The following TSHZ2 variants were observed in gnomAD, a reference collection of about 807,000 sequenced individuals.
The protein encoded by TSHZ2 is teashirt homolog 2.
In TSHZ2, 21 loss-of-function variants were observed where a neutral mutation model predicts 74.4. That is an observed-to-expected ratio of 0.28 (90% CI 0.20 to 0.41). TSHZ2 has a LOEUF of 0.41. Among genes scored for constraint, TSHZ2 ranks in the 10% least tolerant of loss-of-function variants. The pLI, the probability that TSHZ2 is intolerant of heterozygous loss-of-function variation, is 1.00. For synonymous variants in TSHZ2, 540 were observed against 515.3 expected (o/e 1.05, Z -0.65); for missense variants, 1,244 against 1,293.5 (o/e 0.96, Z 0.59).
chr20:53,476,382 C>CA (rs1261038518), intron 2 of TSHZ2, among the ~76,000 whole-genome samples: 1 of 151,384 alleles, frequency 6.6e-6, no homozygotes, highest in Admixed American at 6.6e-5. Flanking sequence ...TGTAATCCAG[C>CA]ATATAAACAG....
chr20:53,055,102 C>T (rs1370957223), intron 1 of TSHZ2, among the ~76,000 whole-genome samples: 1 of 152,130 alleles, frequency 6.6e-6, no homozygotes, highest in Non-Finnish European at 1.5e-5. Context: ...TATCCTCAGG[C>T]TAAATTCAAC....
Position 53,021,176 on chromosome 20 carries a change from T to G in TSHZ2, c.40+47843T>G, listed in dbSNP as rs553614629. On this transcript the variant is annotated intron_variant, in intron 1 of 2. Transcript: ENST00000371497. ...CTAACGCTGTGGAATAGCACTTGGATTGAATAAAGGAGGGAAAATGGTTTT... is the reference window on the plus strand; with the variant it reads ...CTAACGCTGTGGAATAGCACTTGGAGTGAATAAAGGAGGGAAAATGGTTTT... Among the ~76,000 whole-genome samples, 8 of 152,274 alleles carry G rather than the reference T, an allele frequency of 5.3e-5. No homozygotes were observed. The East Asian group carries it at 1.4e-3, about 26-fold the overall frequency.
At chr20:53,444,477 T>C (rs1405308301) in intron 2 of TSHZ2, among the ~76,000 whole-genome samples, 1 of 152,010 alleles carries the variant, frequency 6.6e-6, no homozygotes, top group Non-Finnish European at 1.5e-5. Flanking sequence ...TACTGCAGTG[T>C]GCTGGGAATC....
In TSHZ2 at chr20:53,253,914, G is replaced by C. The variant is rs770619016; in HGVS notation, c.456G>C (p.Arg152Ser). ...GCTTCAAGCTGTCCAATAGTGAGAG[G>C]AGGAACTGTGACACCCGAAACGGCA... ...GLGFKLSNSE[R>S]RNCDTRNGSN... The change falls in exon 2 of 3, where the codon AGG becomes AGC. Residue 152 changes from arginine to serine, a missense_variant. By Grantham distance (110) the Arg-to-Ser change is moderately radical. Transcript: ENST00000371497. 1 of 1,614,194 alleles carries C rather than the reference G, an allele frequency of 6.2e-7. No homozygotes were observed. The highest frequency in any genetic ancestry group is 8.5e-7 in the Non-Finnish European group (1 of 1,180,042).
At chr20:53,051,457 G>GCACA (rs11474223) in intron 1 of TSHZ2, among the ~76,000 whole-genome samples, 5,511 of 145,130 alleles carry the variant, frequency 0.038, 152 homozygotes, top group African/African-American at 0.067. Flanking sequence ...TGTGGCGCAC[G>GCACA]CACACACACA....
chr20:53,243,542 T>C (rs1990120881), intron 1 of TSHZ2, among the ~76,000 whole-genome samples: 1 of 152,188 alleles, frequency 6.6e-6, no homozygotes, highest in Admixed American at 6.5e-5. Context: ...GTGGTCCTCA[T>C]AGCAGGCTAG....
chr20:53,306,003 G>T (rs965209779), intron 2 of TSHZ2, among the ~76,000 whole-genome samples: 1 of 151,396 alleles, frequency 6.6e-6, no homozygotes, highest in Non-Finnish European at 1.5e-5. Flanking sequence ...ACGTTTGGCT[G>T]CAAGTAACAG....
chr20:53,153,491 A>T (rs1987722782), intron 1 of TSHZ2, among the ~76,000 whole-genome samples: 1 of 152,212 alleles, frequency 6.6e-6, no homozygotes, highest in South Asian at 2.1e-4. Flanking sequence ...TTAAACAAAA[A>T]GGAAATTCCT....
At chr20:53,031,159 G>T (rs1370925115) in intron 1 of TSHZ2, among the ~76,000 whole-genome samples, 1 of 152,104 alleles carries the variant, frequency 6.6e-6, no homozygotes, top group Non-Finnish European at 1.5e-5. Flanking sequence ...GCTACTTATT[G>T]CCAAATCACC....
intron 1 of TSHZ2, among the ~76,000 whole-genome samples, chr20:52,996,536 G>C (rs1371586054): frequency 6.6e-6 from 1 of 152,104 alleles, no homozygotes; most frequent in Non-Finnish European, 1.5e-5. Context: ...AGGAATATGG[G>C]CATTCGGTTG....
At chr20:52,988,487 C>T (rs746335155) in intron 1 of TSHZ2, among the ~76,000 whole-genome samples, 2 of 151,938 alleles carry the variant, frequency 1.3e-5, no homozygotes, top group Non-Finnish European at 2.9e-5. Context: ...ACAGCACAGA[C>T]TCACATAAAT....
chr20:53,069,490 T>C (rs545646976), intron 1 of TSHZ2, among the ~76,000 whole-genome samples: 2 of 152,252 alleles, frequency 1.3e-5, no homozygotes, highest in South Asian at 4.1e-4. Context: ...TCGGTAAAAC[T>C]ACCATCTACC....
rs138566202 is a variant in TSHZ2, at chr20:52,975,871, G to A, written c.40+2538G>A. ...GTTAACATCCAGGGAAGGGGAGAAG[G>A]TGGGTTCTAAGATTATGGCCATACT... On this transcript the variant is annotated intron_variant, in intron 1 of 2. Coordinates refer to ENST00000371497, the MANE Select transcript of TSHZ2 (RefSeq NM_173485.6). 2.7e-3 allele frequency among the ~76,000 whole-genome samples: 415 copies of A among 152,290 alleles called. 1 individual carries two copies. The highest frequency in any genetic ancestry group is 9.0e-3 in the African/African-American group (375 of 41,568).
Position 53,492,899 on chromosome 20 carries a change from G to A in TSHZ2, c.*5764G>A, listed in dbSNP as rs935726324. 1.3e-5 allele frequency: 2 copies of A among 152,116 alleles called. No individual in the cohort carries two copies. The highest frequency in any genetic ancestry group is 4.8e-5 in the African/African-American group (2 of 41,400). 9.4% of individuals were successfully genotyped at this position (152,116 alleles called of 1,614,324 possible). A position where few individuals can be genotyped will look rare whatever the true frequency, so the allele number is the denominator to read the frequency against. Reference sequence around the variant, plus strand: ...AAAGGCAAACACATTTTTATATTCAGAAAGCAGACCGGTCATTTTCAAAGA... The same window carrying A: ...AAAGGCAAACACATTTTTATATTCAAAAAGCAGACCGGTCATTTTCAAAGA... On this transcript the variant is annotated 3_prime_UTR_variant, in exon 3 of 3. Coordinates refer to ENST00000371497, the MANE Select transcript of TSHZ2 (RefSeq NM_173485.6).
chr20:53,136,133 A>T (rs1987240497), intron 1 of TSHZ2, among the ~76,000 whole-genome samples: 1 of 152,194 alleles, frequency 6.6e-6, no homozygotes, highest in Non-Finnish European at 1.5e-5. Flanking sequence ...TCACACTGCG[A>T]GAATGCTGAG....
rs1256630868 is a variant in TSHZ2, at chr20:53,080,573, A to G, written c.40+107240A>G. ...GGATGAAAGTCTTTCACCTCGGATG[A>G]TCAGGCATTAGTTAGAGTCTCCTAA... On this transcript the variant is annotated intron_variant, in intron 1 of 2. Coordinates refer to ENST00000371497, the MANE Select transcript of TSHZ2 (RefSeq NM_173485.6). 2.0e-5 allele frequency among the ~76,000 whole-genome samples: 3 copies of G among 152,288 alleles called. No homozygotes were observed. The East Asian group carries it at 5.8e-4, about 29-fold the overall frequency.
chr20:53,464,503 C>T lies in TSHZ2; in HGVS notation c.*9-22641C>T, dbSNP rs193018442. Reference sequence around the variant, plus strand: ...CTAAGAGACAAATTCTCTCTCATTGCGCAGGCTAGAGTGCAGTGGTACAAC... The same window carrying T: ...CTAAGAGACAAATTCTCTCTCATTGTGCAGGCTAGAGTGCAGTGGTACAAC... On this transcript the variant is annotated intron_variant, in intron 2 of 2. Coordinates refer to ENST00000371497, the MANE Select transcript of TSHZ2 (RefSeq NM_173485.6). 8.5e-5 allele frequency among the ~76,000 whole-genome samples: 13 copies of T among 152,148 alleles called. No homozygotes were observed. The East Asian group carries it at 1.4e-3, about 16-fold the overall frequency.
At chr20:53,266,846 C>T (rs959493221) in intron 2 of TSHZ2, among the ~76,000 whole-genome samples, 4 of 147,260 alleles carry the variant, frequency 2.7e-5, no homozygotes, top group Non-Finnish European at 4.4e-5. Flanking sequence ...GGCACGATCT[C>T]GGCTCACTGC....
chr20:53,228,874 C>T (rs1020116491), intron 1 of TSHZ2, among the ~76,000 whole-genome samples: 3 of 152,142 alleles, frequency 2.0e-5, no homozygotes, highest in Admixed American at 2.0e-4. Flanking sequence ...AATCCGTGCC[C>T]GAAAGACACA....
Sources: gnomAD v4.1 joint callset for allele counts (sites outside exome capture counted in the v4.1 genomes callset) on GRCh38, gnomAD v4.1.1 for gene constraint, MANE v1.5 for transcripts, NCBI Gene and HGNC (gene_info 2026-07-23, HGNC 2026-07-21) for gene names.